Variants in NFIX observed in about 807,000 individuals in gnomAD.
The protein encoded by NFIX is nuclear factor 1 X-type.
NFIX carries 2 observed loss-of-function variants against 53.3 expected under a neutral mutation model. The ratio of observed to expected loss-of-function variants is 0.04; its 90% CI spans 0.02 to 0.12. NFIX has a LOEUF of 0.12. Ranked by LOEUF, NFIX falls within the 10% of genes least tolerant of loss-of-function variation. The probability of loss-of-function intolerance (pLI) is 1.00; values close to 1 mark genes in which losing one functional copy is unlikely to be tolerated. For synonymous variants in NFIX, 244 were observed against 289.0 expected, an observed-to-expected ratio of 0.84 and a Z score of 1.58; for missense variants, 310 against 674.5, an observed-to-expected ratio of 0.46 and a Z score of 5.99.
At chr19:13,016,639 G>C (rs1256428590) in intron 1 of NFIX, among the ~76,000 whole-genome samples, 1 of 150,614 alleles carries the variant, frequency 6.6e-6, no homozygotes, top group Non-Finnish European at 1.5e-5. Flanking sequence ...GTTCAAATTG[G>C]GTTGTTGGGT....
intron 2 of NFIX, among the ~76,000 whole-genome samples, chr19:13,034,375 C>T (rs2014029381): frequency 6.6e-6 from 1 of 152,188 alleles, no homozygotes; most frequent in South Asian, 2.1e-4. Context: ...CCTCGAGAGG[C>T]AGCATGCTAG....
chr19:13,028,859 C>T lies in NFIX; in HGVS notation c.559+3307C>T, dbSNP rs931464276. 6.6e-6 allele frequency among the ~76,000 whole-genome samples: 1 copy of T among 152,132 alleles called. No homozygotes were observed. The highest frequency in any genetic ancestry group is 1.5e-5 in the Non-Finnish European group (1 of 68,032). On this transcript the variant is annotated intron_variant, in intron 2 of 10. Coordinates refer to ENST00000592199, the MANE Select transcript of NFIX (RefSeq NM_001365902.3). The surrounding 1 kb of genome is among the most constrained non-coding windows in gnomAD (Gnocchi z 4.2). ...TGGCCTAGAACCGCTGCTAGACTAT[C>T]TCCAAAGTTTCTGCAGCACCCTGAA...
chr19:13,022,631 A>AG lies in NFIX; in HGVS notation c.28-2389dup, dbSNP rs1491407326. Among the ~76,000 whole-genome samples, 1 of 152,006 alleles carries AG rather than the reference A, an allele frequency of 6.6e-6. No individual in the cohort carries two copies. Among genetic ancestry groups the AG allele is most frequent in the Non-Finnish European group, 1.5e-5 (1 of 68,002 alleles). On this transcript the variant is annotated intron_variant, in intron 1 of 10. Coordinates refer to ENST00000592199, the MANE Select transcript of NFIX (RefSeq NM_001365902.3). This position sits in a 1 kb window ranked among gnomAD's most constrained non-coding sequence, Gnocchi z 4.5. ...GAAAGAAAGAAATAGAAACAGAAAAAGAGAGTGTGCAGGCCCGAGAGAAAG... is the reference window on the plus strand; with the variant it reads ...GAAAGAAAGAAATAGAAACAGAAAAAGGAGAGTGTGCAGGCCCGAGAGAAAG...
intron 1 of NFIX, among the ~76,000 whole-genome samples, chr19:13,019,424 G>GT (rs2012839803): frequency 6.6e-6 from 1 of 152,068 alleles, no homozygotes; most frequent in South Asian, 2.1e-4. Flanking sequence ...TCCTTAACTG[G>GT]TTTTTCTTTC....
intron 1 of NFIX, among the ~76,000 whole-genome samples, chr19:13,020,403 A>C (rs1331447077): frequency 1.3e-5 from 2 of 152,144 alleles, no homozygotes; most frequent in East Asian, 3.9e-4. Flanking sequence ...GAGGGGAGGA[A>C]GGGAGGGAGG....
At chr19:13,046,463 CT>C (rs2014990584) in intron 2 of NFIX, among the ~76,000 whole-genome samples, 1 of 151,794 alleles carries the variant, frequency 6.6e-6, no homozygotes, top group African/African-American at 2.4e-5. Flanking sequence ...ATCGCGTTGC[CT>C]TCCCCCCCCC....
intron 1 of NFIX, among the ~76,000 whole-genome samples, chr19:13,017,038 A>C (rs2012707012): frequency 6.6e-6 from 1 of 152,300 alleles, no homozygotes; most frequent in South Asian, 2.1e-4. Context: ...CTTAGCATTA[A>C]TTAACTCAAG....
rs566853466 is a variant in NFIX at position 13,081,164 on chromosome 19, G to A, written c.1079-516G>A. On this transcript the variant is annotated intron_variant, in intron 7 of 10. Transcript: ENST00000592199. This position sits in a 1 kb window ranked among gnomAD's most constrained non-coding sequence, Gnocchi z 4.7. ...AAAAAAAAAAGCAAAAATCTACCAG[G>A]CCTGGTGGCGTGCACCTGTAGTGCT... Among the ~76,000 whole-genome samples, 7 of 151,988 alleles carry A rather than the reference G, an allele frequency of 4.6e-5. No individual in the cohort carries two copies. The highest frequency in any genetic ancestry group is 4.2e-4 in the South Asian group (2 of 4,812).
intron 2 of NFIX, among the ~76,000 whole-genome samples, chr19:13,057,638 C>CA (rs1303581068): frequency 1.3e-5 from 2 of 152,182 alleles, no homozygotes; most frequent in Non-Finnish European, 2.9e-5. Flanking sequence ...ACTAGTGTCT[C>CA]AGAGTCCTGT....
Position 13,073,471 on chromosome 19 carries a change from G to T in NFIX, c.672G>T (p.Val224=). 2.5e-6 allele frequency: 4 copies of T among 1,614,016 alleles called. No individual in the cohort carries two copies. The highest frequency in any genetic ancestry group is 3.4e-6 in the Non-Finnish European group (4 of 1,179,880). The change falls in exon 4 of 11, where the codon GTG becomes GTT. Residue 224 remains valine, a synonymous_variant. Coordinates refer to ENST00000592199, the MANE Select transcript of NFIX (RefSeq NM_001365902.3). The surrounding 1 kb of genome is among the most constrained non-coding windows in gnomAD (Gnocchi z 4.5). ...TTGTGACTTCCGGGGTCTGGAATGT[G>T]ACGGAGCTGGTGAGAGTATCACAGA... ...DCFVTSGVWN[V]TELVRVSQTP...
chr19:13,050,911 C>G (rs1260835109), intron 2 of NFIX, among the ~76,000 whole-genome samples: 1 of 152,228 alleles, frequency 6.6e-6, no homozygotes, highest in Non-Finnish European at 1.5e-5. Context: ...GAGTAGCCTG[C>G]AGACAGATGG....
intron 8 of NFIX, among the ~76,000 whole-genome samples, chr19:13,082,735 CCAGAGCCT>C (rs2017543273): frequency 6.6e-6 from 1 of 152,218 alleles, no homozygotes; most frequent in African/African-American, 2.4e-5. Flanking sequence ...TGGGAAAAAT[CCAGAGCCT>C]CAGCAGCATG....
At chr19:13,044,286 C>T (rs1368400562) in intron 2 of NFIX, among the ~76,000 whole-genome samples, 7 of 152,202 alleles carry the variant, frequency 4.6e-5, no homozygotes, top group Admixed American at 6.5e-5. Flanking sequence ...GTGGGCCATC[C>T]AGTGTCTAGA....
At chr19:13,092,491 C>T (rs2018202690) in intron 10 of NFIX, among the ~76,000 whole-genome samples, 3 of 152,232 alleles carry the variant, frequency 2.0e-5, no homozygotes, top group Admixed American at 1.3e-4. Flanking sequence ...CCCAACTGTA[C>T]AGCTCAGGAG....
At chr19:13,015,077 T>G (rs1259610795) in intron 1 of NFIX, among the ~76,000 whole-genome samples, 2 of 152,200 alleles carry the variant, frequency 1.3e-5, no homozygotes, top group Non-Finnish European at 2.9e-5. Flanking sequence ...CAAAGGGAGC[T>G]TTTTATGTAT....
chr19:13,050,794 C>A (rs936606854), intron 2 of NFIX, among the ~76,000 whole-genome samples: 1 of 152,184 alleles, frequency 6.6e-6, no homozygotes, highest in African/African-American at 2.4e-5. Flanking sequence ...TCCCCTTTAA[C>A]CCAAACAGGT....
At chr19:13,035,482 AAT>A (rs1455402970) in intron 2 of NFIX, among the ~76,000 whole-genome samples, 1 of 152,154 alleles carries the variant, frequency 6.6e-6, no homozygotes, top group Non-Finnish European at 1.5e-5. Context: ...AGCAACCGGT[AAT>A]CCTGTCAGGC....
intron 1 of NFIX, chr19:13,024,751 G>A: frequency 6.6e-7 from 1 of 1,524,912 alleles, no homozygotes; most frequent in Non-Finnish European, 8.8e-7. Flanking sequence ...AGAGAGAATA[G>A]GTGTGTGTAG....
In NFIX at chr19:13,002,956, C is replaced by T. The variant is rs1193118614; in HGVS notation, c.27+7092C>T. 1.3e-5 allele frequency among the ~76,000 whole-genome samples: 2 copies of T among 152,124 alleles called. No homozygotes were observed. The highest frequency in any genetic ancestry group is 2.9e-5 in the Non-Finnish European group (2 of 68,026). ...CTGTCCCCACCTGAATCTGTGTGAGCCAAGCTGGAGGAAAGGACAGCATGG... is the reference window on the plus strand; with the variant it reads ...CTGTCCCCACCTGAATCTGTGTGAGTCAAGCTGGAGGAAAGGACAGCATGG... On this transcript the variant is annotated intron_variant, in intron 1 of 10. Transcript: ENST00000592199. This position sits in a 1 kb window ranked among gnomAD's most constrained non-coding sequence, Gnocchi z 6.1.
Sources: gnomAD v4.1 joint callset for allele counts (sites outside exome capture counted in the v4.1 genomes callset) on GRCh38, gnomAD v4.1.1 for gene constraint, Gnocchi (gnomAD v3.1) non-coding constraint, MANE v1.5 for transcripts, NCBI Gene and HGNC (gene_info 2026-07-23, HGNC 2026-07-21) for gene names.